Variants in HMGCLL1 observed in about 807,000 individuals in gnomAD.
The protein encoded by HMGCLL1 is 3-hydroxy-3-methylglutaryl-CoA lyase like 1.
In HMGCLL1, 36 loss-of-function variants were observed where a neutral mutation model predicts 39.1. The observed-to-expected ratio is 0.92, with a 90% CI of 0.71 to 1.22. HMGCLL1 has a LOEUF of 1.22. HMGCLL1 is among the 50% of genes most tolerant of loss of function. The pLI is 0.00. For synonymous variants in HMGCLL1, 149 were observed against 144.0 expected (o/e 1.03, Z -0.25); for missense variants, 451 against 416.5 (o/e 1.08, Z -0.72).
intron 7 of HMGCLL1, among the ~76,000 whole-genome samples, chr6:55,481,802 C>CTACG (rs550581500): frequency 1.3e-5 from 2 of 152,144 alleles, no homozygotes; most frequent in South Asian, 4.2e-4. Context: ...ATCTATCTAC[C>CTACG]TACCTACCTA....
intron 3 of HMGCLL1, among the ~76,000 whole-genome samples, chr6:55,519,887 A>G (rs915628849): frequency 6.6e-6 from 1 of 152,214 alleles, no homozygotes; most frequent in Non-Finnish European, 1.5e-5. Context: ...ATCTTGGCCT[A>G]TATTTAATTC....
chr6:55,536,195 T>C (rs946536461), intron 3 of HMGCLL1, among the ~76,000 whole-genome samples: 1 of 152,154 alleles, frequency 6.6e-6, no homozygotes, highest in South Asian at 2.1e-4. Context: ...ATTATTTGTC[T>C]TTTACATACA....
At chr6:55,655,322 AT>A in the HMGCLL1 span, among the ~76,000 whole-genome samples, 1 of 151,850 alleles carries the variant, frequency 6.6e-6, no homozygotes, top group Non-Finnish European at 1.5e-5. Context: ...CGTATGTATT[AT>A]TTCCCCCAAC....
chr6:55,645,083 T>C, the HMGCLL1 span, among the ~76,000 whole-genome samples: 1 of 152,014 alleles, frequency 6.6e-6, no homozygotes, highest in Non-Finnish European at 1.5e-5. Flanking sequence ...CATCAGTGTT[T>C]CATAGAACAC....
At chr6:55,501,315 T>A (rs1261973718) in intron 5 of HMGCLL1, among the ~76,000 whole-genome samples, 1 of 151,908 alleles carries the variant, frequency 6.6e-6, no homozygotes, top group African/African-American at 2.4e-5. Flanking sequence ...CTTTTAATAA[T>A]AAAATTGTAT....
At position 55,552,197 on chromosome 6, in the gene HMGCLL1, A is replaced by C. The variant is rs530579054; in HGVS notation, c.109-10057T>G. On this transcript the variant is annotated intron_variant, in intron 1 of 8. Coordinates refer to ENST00000274901, the MANE Select transcript of HMGCLL1 (RefSeq NM_001042406.2). The stretch of plus-strand genomic sequence containing the variant: ...ACAGAATCTAAAGTCTCAAATAGAC[A>C]ACCCCGTAGTGATCTATCTCTGTAG... Among the ~76,000 whole-genome samples the C allele has an allele frequency of 5.9e-5, 9 of 152,140 alleles. No homozygotes were observed. The East Asian group carries it at 1.7e-3, about 29-fold the overall frequency.
intron 7 of HMGCLL1, among the ~76,000 whole-genome samples, chr6:55,486,862 T>C (rs1435390184): frequency 6.6e-6 from 1 of 152,150 alleles, no homozygotes; most frequent in Non-Finnish European, 1.5e-5. Context: ...ATAAAAGTGC[T>C]GGCAGACTCA....
chr6:55,553,674 A>G lies in HMGCLL1; in HGVS notation c.109-11534T>C, dbSNP rs370465208. ...TAGCACATTGATGAGTTAATACTTC[A>G]TCAATGTTTGTTGCTTCCCTTTTTG... On this transcript the variant is annotated intron_variant, in intron 1 of 8. Coordinates refer to ENST00000274901, the MANE Select transcript of HMGCLL1 (RefSeq NM_001042406.2). 1.3e-3 allele frequency among the ~76,000 whole-genome samples: 204 copies of G among 152,278 alleles called. 3 individuals are homozygous for G. The South Asian group carries it at 0.027, about 20-fold the overall frequency.
intron 1 of HMGCLL1, chr6:55,563,882 A>T: frequency 7.8e-7 from 1 of 1,288,188 alleles, no homozygotes; most frequent in Non-Finnish European, 1.0e-6. Flanking sequence ...TGAGAGGTCC[A>T]TGGTGCAGCA....
At chr6:55,593,002 G>A in the HMGCLL1 span, among the ~76,000 whole-genome samples, 2 of 152,022 alleles carry the variant, frequency 1.3e-5, no homozygotes, top group African/African-American at 4.8e-5. Context: ...CATATATAAG[G>A]TTAAATTTTT....
the HMGCLL1 span, among the ~76,000 whole-genome samples, chr6:55,596,062 T>C: frequency 1.3e-5 from 2 of 152,210 alleles, no homozygotes; most frequent in African/African-American, 4.8e-5. Flanking sequence ...CGATGGCTCA[T>C]GACTGTAATC....
chr6:55,585,389 C>T, the HMGCLL1 span, among the ~76,000 whole-genome samples: 3 of 152,072 alleles, frequency 2.0e-5, no homozygotes, highest in African/African-American at 7.2e-5. Context: ...TGGTTGAAAT[C>T]CGCATATTTT....
chr6:55,514,830 T>C (rs6908139), intron 4 of HMGCLL1, among the ~76,000 whole-genome samples: 104,758 of 151,996 alleles, frequency 0.69, 36,141 homozygotes, highest in Admixed American at 0.73. Context: ...TTATTCCTTC[T>C]TCCAGGCTCT....
At chr6:55,583,944 G>A (rs902634757), upstream of HMGCLL1, among the ~76,000 whole-genome samples, 2 of 152,042 alleles carry the variant, frequency 1.3e-5, no homozygotes, top group African/African-American at 4.8e-5. Context: ...ACAGAACCAG[G>A]TGACCTTTTT....
rs1438219120 is a variant in HMGCLL1, at chr6:55,553,153, C to CTATA, written c.109-11014_109-11013insTATA. The stretch of plus-strand genomic sequence containing the variant: ...AGCAAAACTCCATCTCTCTCTCTCT[C>CTATA]TCTCTCTATATATATATATATACAT... On this transcript the variant is annotated intron_variant, in intron 1 of 8. Coordinates refer to ENST00000274901, the MANE Select transcript of HMGCLL1 (RefSeq NM_001042406.2). Among the ~76,000 whole-genome samples the CTATA allele has an allele frequency of 4.8e-5, 4 of 83,036 alleles. No homozygotes were observed. The East Asian group carries it at 9.4e-4, about 20-fold the overall frequency. The allele number at this position is 83,036 out of a possible 152,430, so 54.5% of individuals were successfully genotyped here. A position where few individuals can be genotyped will look rare whatever the true frequency, so the allele number is the denominator to read the frequency against.
At chr6:55,543,582 A>C (rs1052545679) in intron 1 of HMGCLL1, among the ~76,000 whole-genome samples, 90 of 97,538 alleles carry the variant, frequency 9.2e-4, no homozygotes, top group African/African-American at 3.0e-3. Flanking sequence ...ATATTTATAT[A>C]TTTATATATA....
chr6:55,612,589 G>A, the HMGCLL1 span, among the ~76,000 whole-genome samples: 2 of 152,118 alleles, frequency 1.3e-5, no homozygotes, highest in East Asian at 3.9e-4. Flanking sequence ...CATGGTACTG[G>A]TACCAAAACA....
At chr6:55,566,507 T>C in intron 1 of HMGCLL1, 1 of 411,550 alleles carries the variant, frequency 2.4e-6, no homozygotes, top group South Asian at 1.8e-5. Context: ...CACTTACTAT[T>C]GGTGGAAAAA....
At chr6:55,567,893 C>A (rs1014634070) in intron 1 of HMGCLL1, among the ~76,000 whole-genome samples, 1 of 152,154 alleles carries the variant, frequency 6.6e-6, no homozygotes, top group Non-Finnish European at 1.5e-5. Context: ...GTGTTTGGAA[C>A]TCACAGCTCC....
Sources: gnomAD v4.1 joint callset for allele counts (sites outside exome capture counted in the v4.1 genomes callset) on GRCh38, gnomAD v4.1.1 for gene constraint, MANE v1.5 for transcripts, NCBI Gene and HGNC (gene_info 2026-07-23, HGNC 2026-07-21) for gene names.